The following CNTN3 variants were observed in gnomAD, a reference collection of about 807,000 sequenced individuals.
CNTN3 encodes contactin 3.
In CNTN3, 60 loss-of-function variants were observed where a neutral mutation model predicts 119.1. The observed-to-expected ratio is 0.50, with a 90% CI of 0.41 to 0.62. The LOEUF is 0.62. Among genes scored for constraint, CNTN3 ranks in the 20% least tolerant of loss-of-function variants. The pLI is 0.00. For synonymous variants in CNTN3, 450 were observed against 438.7 expected (o/e 1.03, Z -0.32); for missense variants, 1,101 against 1,242.4 (o/e 0.89, Z 1.71).
chr3:74,595,946 G>T (rs1164799810), intron 1 of CNTN3, among the ~76,000 whole-genome samples: 1 of 151,838 alleles, frequency 6.6e-6, no homozygotes, highest in Non-Finnish European at 1.5e-5. Context: ...AAACCCCATT[G>T]TCTCAGCCCA....
At chr3:74,320,613 T>C (rs1171738244) in intron 13 of CNTN3, among the ~76,000 whole-genome samples, 1 of 151,888 alleles carries the variant, frequency 6.6e-6, no homozygotes, top group Non-Finnish European at 1.5e-5. Context: ...GCACATGCCC[T>C]AAAACTTAAA....
At chr3:74,331,861 CT>C (rs1703271708) in intron 13 of CNTN3, among the ~76,000 whole-genome samples, 1 of 152,128 alleles carries the variant, frequency 6.6e-6, no homozygotes, top group Non-Finnish European at 1.5e-5. Context: ...CATCATGCTC[CT>C]TTGGCACAAT....
In CNTN3 at chr3:74,493,321, C is replaced by T. The variant is rs184028285; in HGVS notation, c.182+6338G>A. On this transcript the variant is annotated intron_variant, in intron 3 of 22. Transcript: ENST00000263665. Reference sequence around the variant, plus strand: ...AACTTGAAATTGAAGCTAACAAAACCGACTTTAAGTAGTTTAAAAAATAAA... The same window carrying T: ...AACTTGAAATTGAAGCTAACAAAACTGACTTTAAGTAGTTTAAAAAATAAA... Among the ~76,000 whole-genome samples the T allele has an allele frequency of 4.7e-4, 72 of 152,092 alleles. 1 individual carries two copies. Among genetic ancestry groups the T allele is most frequent in the Non-Finnish European group, 8.7e-4 (59 of 67,980 alleles).
At chr3:74,388,006 G>T (rs1370931416) in intron 5 of CNTN3, among the ~76,000 whole-genome samples, 2 of 152,180 alleles carry the variant, frequency 1.3e-5, no homozygotes, top group East Asian at 3.9e-4. Flanking sequence ...CTAGGTTAAA[G>T]GGGAAATGTT....
chr3:74,434,466 C>T (rs190370197), intron 4 of CNTN3, among the ~76,000 whole-genome samples: 25 of 152,318 alleles, frequency 1.6e-4, no homozygotes, highest in African/African-American at 5.5e-4. Context: ...TGATCTCATG[C>T]CCAACTTTTC....
chr3:74,450,256 A>T (rs1187062287), intron 4 of CNTN3, among the ~76,000 whole-genome samples: 3 of 152,094 alleles, frequency 2.0e-5, no homozygotes, highest in Non-Finnish European at 4.4e-5. Flanking sequence ...AATTTTTTTA[A>T]TCTTGCAGTT....
intron 5 of CNTN3, among the ~76,000 whole-genome samples, chr3:74,376,213 A>G (rs913014563): frequency 1.1e-4 from 17 of 152,164 alleles, no homozygotes; most frequent in Non-Finnish European, 1.3e-4. Flanking sequence ...ACTGTAAGGG[A>G]ACAAATGTGT....
chr3:74,485,084 T>C (rs1182754721), intron 4 of CNTN3, among the ~76,000 whole-genome samples: 1 of 152,050 alleles, frequency 6.6e-6, no homozygotes, highest in Admixed American at 6.6e-5. Context: ...TATATGCACA[T>C]ACACAATTAT....
chr3:74,458,785 A>G (rs1702313949), intron 4 of CNTN3, among the ~76,000 whole-genome samples: 1 of 152,046 alleles, frequency 6.6e-6, no homozygotes, highest in South Asian at 2.1e-4. Flanking sequence ...ATATTTGTCA[A>G]CACTCATAGA....
chr3:74,584,938 C>A (rs1704570332), intron 1 of CNTN3, among the ~76,000 whole-genome samples: 1 of 152,090 alleles, frequency 6.6e-6, no homozygotes, highest in South Asian at 2.1e-4. Flanking sequence ...ATTGGCCAAT[C>A]CCCTCATGAT....
At chr3:74,365,838 G>T in intron 8 of CNTN3, 136 bp from the exon 9 acceptor site, 1 of 981,506 alleles carries the variant, frequency 1.0e-6, no homozygotes, top group Non-Finnish European at 1.5e-6. Flanking sequence ...GAGAACAGAG[G>T]CTAGAATTAT....
At chr3:74,440,128 A>G (rs1452396135) in intron 4 of CNTN3, among the ~76,000 whole-genome samples, 1 of 152,152 alleles carries the variant, frequency 6.6e-6, no homozygotes, top group Admixed American at 6.5e-5. Context: ...GTTTTTTCAA[A>G]TTTTGTATAA....
At chr3:74,485,377 T>C (rs10428206) in intron 4 of CNTN3, among the ~76,000 whole-genome samples, 2,170 of 151,906 alleles carry the variant, frequency 0.014, 50 homozygotes, top group African/African-American at 0.048. Flanking sequence ...TTTCAAAATA[T>C]GCAGAGAAGA....
At chr3:74,564,020 C>T (rs1447830) in intron 1 of CNTN3, among the ~76,000 whole-genome samples, 19,364 of 152,070 alleles carry the variant, frequency 0.13, 1,562 homozygotes, top group Non-Finnish European at 0.17. Context: ...TGGATAGGAG[C>T]GGTCCCTGCT....
intron 5 of CNTN3, among the ~76,000 whole-genome samples, chr3:74,410,205 C>T (rs1455690702): frequency 6.6e-6 from 1 of 152,154 alleles, no homozygotes; most frequent in African/African-American, 2.4e-5. Context: ...ACAGAATCCT[C>T]CCATTGTATG....
chr3:74,561,525 C>T (rs1704153798), intron 1 of CNTN3, among the ~76,000 whole-genome samples: 1 of 152,112 alleles, frequency 6.6e-6, no homozygotes, highest in African/African-American at 2.4e-5. Context: ...ATCTACAAAG[C>T]TCCCTCATGC....
intron 11 of CNTN3, among the ~76,000 whole-genome samples, chr3:74,350,265 T>C (rs1369720495): frequency 6.6e-6 from 1 of 152,088 alleles, no homozygotes; most frequent in African/African-American, 2.4e-5. Flanking sequence ...AGCAACATGA[T>C]GGAAACAGTT....
At chr3:74,561,276 TC>T (rs1704149835) in intron 1 of CNTN3, among the ~76,000 whole-genome samples, 1 of 152,034 alleles carries the variant, frequency 6.6e-6, no homozygotes, top group African/African-American at 2.4e-5. Flanking sequence ...GCTATTCTCC[TC>T]CCAGCAGCCA....
chr3:74,335,327 A>G (rs1703364729), intron 12 of CNTN3, among the ~76,000 whole-genome samples: 1 of 152,180 alleles, frequency 6.6e-6, no homozygotes, highest in Non-Finnish European at 1.5e-5. Flanking sequence ...ATTTAATGGT[A>G]GCCTGGATTT....
Sources: allele counts gnomAD v4.1 joint callset (sites outside exome capture counted in the v4.1 genomes callset), GRCh38; gene constraint gnomAD v4.1.1; transcripts MANE v1.5; gene names NCBI Gene and HGNC (gene_info 2026-07-23, HGNC 2026-07-21).